The following CCDC60 variants were observed in gnomAD, a reference collection of about 807,000 sequenced individuals.
CCDC60 encodes coiled-coil domain-containing protein 60.
In CCDC60, 54 loss-of-function variants were observed where a neutral mutation model predicts 63.5. The observed-to-expected ratio is 0.85, with a 90% CI of 0.68 to 1.07. CCDC60 has a LOEUF of 1.07. CCDC60 is among the 50% of genes least tolerant of loss of function. The pLI, the probability that CCDC60 is intolerant of heterozygous loss-of-function variation, is 0.00. For missense variants in CCDC60, 651 were observed against 684.3 expected (o/e 0.95, Z 0.54); for synonymous variants, 206 against 238.8 (o/e 0.86, Z 1.27).
intron 11 of CCDC60, 89 bp downstream of exon 11, chr12:119,523,907 C>A: frequency 7.2e-7 from 1 of 1,380,638 alleles, no homozygotes; most frequent in African/African-American, 1.4e-5. Flanking sequence ...GGGGCTATAT[C>A]ACAAACAAGA....
intron 7 of CCDC60, 43 bp from the exon 8 acceptor site, chr12:119,516,580 G>A (rs1952360130): frequency 7.1e-7 from 1 of 1,398,940 alleles, no homozygotes; most frequent in South Asian, 1.2e-5. Context: ...TCCTGTCTCA[G>A]GGGTGGCTTC....
chr12:119,374,646 G>A (rs550411902), intron 1 of CCDC60, among the ~76,000 whole-genome samples: 5 of 152,100 alleles, frequency 3.3e-5, no homozygotes, highest in African/African-American at 1.2e-4. Context: ...TATTAGAGAA[G>A]TAAAGAAACA....
intron 3 of CCDC60, among the ~76,000 whole-genome samples, chr12:119,472,828 G>A (rs1398228293): frequency 1.3e-5 from 2 of 152,054 alleles, no homozygotes; most frequent in African/African-American, 4.8e-5. Context: ...TGGTCTGCCC[G>A]CCTGAGCTTC....
Position 119,516,603 on chromosome 12 carries a change from A to T in CCDC60, c.884-20A>T, listed in dbSNP as rs759320031. 6.3e-7 allele frequency: 1 copy of T among 1,581,102 alleles called. No individual in the cohort carries two copies. The highest frequency in any genetic ancestry group is 1.7e-5 in the Admixed American group (1 of 59,478). ...CAGGGGTGGCTTCTGGTCAAGGGTG[A>T]CCTCTCATATTCTCATCAGATCTGC... On this transcript the variant is annotated intron_variant, in intron 7 of 13. Transcript: ENST00000327554.
Position 119,540,703 on chromosome 12 carries a change from C to A in CCDC60, c.1641C>A (p.Ser547Arg), listed in dbSNP as rs146234047. 3.4e-3 allele frequency: 5,561 copies of A among 1,612,670 alleles called. 101 individuals are homozygous for A. The highest frequency in any genetic ancestry group is 0.033 in the South Asian group (2,984 of 91,034). Reference protein sequence around the residue: ...SRINIPIGPYSALR With the variant: ...SRINIPIGPYRALR Reference sequence around the variant, plus strand: ...TCAACATACCCATTGGGCCCTACAGCGCCCTGAGGTAGGCTGGGCCTGGGT... The same window carrying A: ...TCAACATACCCATTGGGCCCTACAGAGCCCTGAGGTAGGCTGGGCCTGGGT... The change falls in exon 14 of 14, where the codon AGC (serine) becomes AGA (arginine). Residue 547 changes from serine to arginine, a missense_variant. Transcript: ENST00000327554.
chr12:119,505,019 A>G, intron 6 of CCDC60, 50 bp from the exon 7 acceptor site: 1 of 1,392,302 alleles, frequency 7.2e-7, no homozygotes, highest in Admixed American at 2.0e-5. Flanking sequence ...TCTTTCTTCC[A>G]TCTTTTTCCC....
At chr12:119,514,106 A>G (rs1257014165) in intron 7 of CCDC60, among the ~76,000 whole-genome samples, 1 of 152,114 alleles carries the variant, frequency 6.6e-6, no homozygotes, top group East Asian at 1.9e-4. Flanking sequence ...AAAGACAGCA[A>G]TATTGATAAT....
chr12:119,468,590 G>C (rs1040649336), intron 2 of CCDC60, among the ~76,000 whole-genome samples: 7 of 152,050 alleles, frequency 4.6e-5, no homozygotes, highest in Non-Finnish European at 7.4e-5. Context: ...TCTTCCAGGA[G>C]CACATTCATA....
chr12:119,436,832 C>T (rs546245650), intron 2 of CCDC60, among the ~76,000 whole-genome samples: 1 of 152,304 alleles, frequency 6.6e-6, no homozygotes, highest in African/African-American at 2.4e-5. Flanking sequence ...CCACTGTGCC[C>T]GGCCGAGTGA....
At chr12:119,438,492 A>G (rs1417349157) in intron 2 of CCDC60, among the ~76,000 whole-genome samples, 1 of 152,224 alleles carries the variant, frequency 6.6e-6, no homozygotes, top group Non-Finnish European at 1.5e-5. Flanking sequence ...CTGTGGGTTC[A>G]AATCCTAACT....
intron 7 of CCDC60, among the ~76,000 whole-genome samples, chr12:119,509,063 A>G (rs948969734): frequency 2.0e-5 from 3 of 152,094 alleles, no homozygotes; most frequent in Non-Finnish European, 4.4e-5. Flanking sequence ...GCATGTCCCC[A>G]GTGGCCACCT....
intron 2 of CCDC60, chr12:119,433,468 G>T: frequency 1.4e-6 from 1 of 702,332 alleles, no homozygotes; most frequent in South Asian, 1.5e-5. Context: ...AAACGACAAT[G>T]AGATGTTCCA....
chr12:119,525,776 T>C (rs1397133818), intron 11 of CCDC60, among the ~76,000 whole-genome samples: 1 of 152,020 alleles, frequency 6.6e-6, no homozygotes, highest in Non-Finnish European at 1.5e-5. Flanking sequence ...CACAAACAAA[T>C]GGAAAAACAT....
chr12:119,469,011 C>A (rs1385594160), intron 2 of CCDC60, among the ~76,000 whole-genome samples: 1 of 151,840 alleles, frequency 6.6e-6, no homozygotes, highest in Non-Finnish European at 1.5e-5. Flanking sequence ...TTTTAATATT[C>A]CATTTATATC....
intron 7 of CCDC60, among the ~76,000 whole-genome samples, chr12:119,509,181 T>C (rs1017936444): frequency 1.3e-5 from 2 of 152,172 alleles, no homozygotes; most frequent in African/African-American, 2.4e-5. Flanking sequence ...GATAGAAAAC[T>C]AGGGGCACAT....
At chr12:119,478,470 A>C (rs1951228569) in intron 3 of CCDC60, among the ~76,000 whole-genome samples, 1 of 152,164 alleles carries the variant, frequency 6.6e-6, no homozygotes, top group Non-Finnish European at 1.5e-5. Flanking sequence ...TCCAGAACAC[A>C]GCTGAAAATA....
intron 1 of CCDC60, among the ~76,000 whole-genome samples, chr12:119,351,233 T>A (rs2136153634): frequency 6.6e-6 from 1 of 152,374 alleles, no homozygotes; most frequent in Non-Finnish European, 1.5e-5. Flanking sequence ...TCTAGTTTTG[T>A]ATTCTCAAAG....
rs146600483 is a variant in CCDC60 at position 119,536,451 on chromosome 12, G to A, written c.1552-4163G>A. 1.0e-3 allele frequency among the ~76,000 whole-genome samples: 152 copies of A among 152,242 alleles called. 5 individuals are homozygous for A. The East Asian group carries it at 0.02, about 20-fold the overall frequency. ...TATTGCTATGTGTGAATTTGATCCCGTCATTATGATGTTAGCTGGTTATTT... is the reference window on the plus strand; with the variant it reads ...TATTGCTATGTGTGAATTTGATCCCATCATTATGATGTTAGCTGGTTATTT... On this transcript the variant is annotated intron_variant, in intron 13 of 13. Coordinates refer to ENST00000327554, the MANE Select transcript of CCDC60 (RefSeq NM_178499.5).
intron 7 of CCDC60, among the ~76,000 whole-genome samples, chr12:119,509,699 C>T (rs1193257824): frequency 6.6e-6 from 1 of 152,064 alleles, no homozygotes; most frequent in Non-Finnish European, 1.5e-5. Context: ...ATAACTAACA[C>T]TTAAAAGTAT....
Sources: gnomAD v4.1 joint callset for allele counts (sites outside exome capture counted in the v4.1 genomes callset) on GRCh38, gnomAD v4.1.1 for gene constraint, MANE v1.5 for transcripts, NCBI Gene and HGNC (gene_info 2026-07-23, HGNC 2026-07-21) for gene names.